Variants in CPED1 observed in about 807,000 individuals in gnomAD.
CPED1 encodes cadherin-like and PC-esterase domain-containing protein 1.
CPED1 carries 114 observed loss-of-function variants against 128.2 expected under a neutral mutation model. The ratio of observed to expected loss-of-function variants is 0.89; its 90% CI spans 0.76 to 1.04. The LOEUF is 1.04. Among genes scored for constraint, CPED1 ranks in the 50% least tolerant of loss-of-function variants. The probability of loss-of-function intolerance (pLI) is 0.00; values close to 1 mark genes in which losing one functional copy is unlikely to be tolerated. For missense variants in CPED1, 1,211 were observed against 1,207.1 expected, an observed-to-expected ratio of 1.00 and a Z score of -0.05; for synonymous variants, 462 against 426.7, an observed-to-expected ratio of 1.08 and a Z score of -1.02.
chr7:121,261,642 A>G (rs1792019701), intron 18 of CPED1: 1 of 1,611,086 alleles, frequency 6.2e-7, no homozygotes, highest in Non-Finnish European at 8.5e-7. Context: ...TTGGGTGTCG[A>G]TGTCCAGAGA....
intron 22 of CPED1, among the ~76,000 whole-genome samples, chr7:121,277,971 A>T (rs1459124707): frequency 6.6e-6 from 1 of 152,130 alleles, no homozygotes. Context: ...GTGTTGTCAA[A>T]TGTAATAGAT....
chr7:121,203,113 T>C (rs551307206), intron 16 of CPED1, among the ~76,000 whole-genome samples: 1 of 152,156 alleles, frequency 6.6e-6, no homozygotes, highest in African/African-American at 2.4e-5. Context: ...CCAAATCTTT[T>C]CCACTCTCCT....
At chr7:121,005,014 A>G (rs41705) in intron 2 of CPED1, among the ~76,000 whole-genome samples, 124,040 of 152,158 alleles carry the variant, frequency 0.82, 51,338 homozygotes, top group African/African-American at 0.95. Flanking sequence ...TCATAGAGAT[A>G]ATGGCTTATT....
At chr7:121,206,785 T>C (rs527929216) in intron 16 of CPED1, among the ~76,000 whole-genome samples, 2 of 152,062 alleles carry the variant, frequency 1.3e-5, no homozygotes, top group South Asian at 4.1e-4. Context: ...AAAAACAAAT[T>C]ACTCATAATC....
chr7:121,099,248 C>T (rs918589939), intron 6 of CPED1, among the ~76,000 whole-genome samples: 1 of 152,032 alleles, frequency 6.6e-6, no homozygotes, highest in Admixed American at 6.6e-5. Flanking sequence ...ATTTATATCA[C>T]TTTTGTTGCA....
chr7:121,082,743 C>T (rs1471370030), intron 5 of CPED1, among the ~76,000 whole-genome samples: 1 of 152,134 alleles, frequency 6.6e-6, no homozygotes, highest in East Asian at 1.9e-4. Flanking sequence ...GCAGCATATC[C>T]ATATCTAAAG....
chr7:121,022,720 G>A (rs1439555811), intron 3 of CPED1, among the ~76,000 whole-genome samples: 1 of 152,046 alleles, frequency 6.6e-6, no homozygotes, highest in African/African-American at 2.4e-5. Flanking sequence ...GTAAAAGTAA[G>A]TATACAGCTT....
At chr7:121,003,968 T>G (rs1162821450) in intron 2 of CPED1, among the ~76,000 whole-genome samples, 2 of 152,198 alleles carry the variant, frequency 1.3e-5, no homozygotes, top group East Asian at 3.9e-4. Context: ...ATGTGGAATG[T>G]GGTACCTCTT....
At chr7:121,225,557 A>G (rs1260617395) in intron 16 of CPED1, among the ~76,000 whole-genome samples, 1 of 152,156 alleles carries the variant, frequency 6.6e-6, no homozygotes, top group African/African-American at 2.4e-5. Flanking sequence ...CTCCTGGATA[A>G]TATCCTGAAG....
intron 22 of CPED1, among the ~76,000 whole-genome samples, chr7:121,285,810 G>A (rs1453848500): frequency 6.6e-6 from 1 of 152,174 alleles, no homozygotes; most frequent in Non-Finnish European, 1.5e-5. Context: ...TCTCTAGGAA[G>A]TTCCAAACAT....
At chr7:121,079,107 G>T (rs1183020744) in intron 5 of CPED1, among the ~76,000 whole-genome samples, 1 of 152,062 alleles carries the variant, frequency 6.6e-6, no homozygotes, top group African/African-American at 2.4e-5. Context: ...CTCCTTAAAG[G>T]CCCTATCTTC....
chr7:121,246,046 A>G (rs1170834997), intron 18 of CPED1, among the ~76,000 whole-genome samples: 1 of 152,142 alleles, frequency 6.6e-6, no homozygotes. Context: ...CATATCCTAT[A>G]AATGTTGCAC....
intron 13 of CPED1, 31 bp from the exon 14 acceptor site, chr7:121,136,008 TA>T: frequency 1.4e-6 from 2 of 1,440,852 alleles, no homozygotes; most frequent in South Asian, 1.4e-5. Flanking sequence ...TAATGGTTTT[TA>T]TTTTAAATTT....
chr7:121,281,521 C>A lies in CPED1; in HGVS notation c.2868+10091C>A, dbSNP rs143447993. Among the ~76,000 whole-genome samples, 999 of 152,138 alleles carry A rather than the reference C, an allele frequency of 6.6e-3. 15 individuals carry two copies. Among genetic ancestry groups the A allele is most frequent in the Middle Eastern group, 0.037 (11 of 294 alleles). On this transcript the variant is annotated intron_variant, in intron 22 of 22. Coordinates refer to ENST00000310396, the MANE Select transcript of CPED1 (RefSeq NM_024913.5). ...TAATGGTGTAGAGATGTGGAAAGATCTATAATTATAAACTGGCAGATCCCT... is the reference window on the plus strand; with the variant it reads ...TAATGGTGTAGAGATGTGGAAAGATATATAATTATAAACTGGCAGATCCCT...
At chr7:121,084,342 A>G (rs1389779796) in intron 5 of CPED1, among the ~76,000 whole-genome samples, 1 of 152,244 alleles carries the variant, frequency 6.6e-6, no homozygotes, top group African/African-American at 2.4e-5. Context: ...AAGGAAAATT[A>G]AGGTGAAAGT....
At chr7:121,074,019 C>T (rs1276333490) in intron 5 of CPED1, among the ~76,000 whole-genome samples, 1 of 152,058 alleles carries the variant, frequency 6.6e-6, no homozygotes, top group African/African-American at 2.4e-5. Context: ...ATGATGTTCT[C>T]TCTGTTGGAG....
Position 121,142,030 on chromosome 7 carries a change from T to C in CPED1, c.1944T>C (p.Asp648=). 5.6e-6 allele frequency: 9 copies of C among 1,612,792 alleles called. No homozygotes were observed. Among genetic ancestry groups the C allele is most frequent in the Non-Finnish European group, 7.6e-6 (9 of 1,179,096 alleles). The change falls in exon 16 of 23, where the codon GAT becomes GAC. Residue 648 remains aspartate (D), a synonymous_variant. Transcript: ENST00000310396. ...ACAAAATCTCAATATTTGTTGTGGA[T>C]GAATCTCCAGCACACGGTGAGACTC... ...GMNKISIFVV[D]ESPAHGETLI...
At chr7:121,223,494 C>T (rs1051725665) in intron 16 of CPED1, among the ~76,000 whole-genome samples, 4 of 152,116 alleles carry the variant, frequency 2.6e-5, no homozygotes, top group African/African-American at 9.7e-5. Flanking sequence ...GGAGGATTCT[C>T]TCTTTTTCTA....
intron 12 of CPED1, among the ~76,000 whole-genome samples, chr7:121,131,593 G>T (rs1488683944): frequency 1.3e-5 from 2 of 150,786 alleles, no homozygotes; most frequent in South Asian, 2.1e-4. Context: ...CATGTATGTT[G>T]TAAGGTTAAG....
Sources: allele counts gnomAD v4.1 joint callset (sites outside exome capture counted in the v4.1 genomes callset), GRCh38; gene constraint gnomAD v4.1.1; transcripts MANE v1.5; gene names NCBI Gene and HGNC (gene_info 2026-07-23, HGNC 2026-07-21).